The following LYST variants were observed in gnomAD, a reference collection of about 807,000 sequenced individuals.
LYST encodes the protein lysosomal trafficking regulator.
LYST carries 192 observed loss-of-function variants against 413.6 expected under a neutral mutation model. That is an observed-to-expected ratio of 0.46 (90% CI 0.41 to 0.52). The LOEUF (loss-of-function observed/expected upper bound fraction) is 0.52. LYST is among the 20% of genes least tolerant of loss of function. The pLI, the probability that LYST is intolerant of heterozygous loss-of-function variation, is 0.00. For missense variants in LYST, 3,815 were observed against 4,499.9 expected, an observed-to-expected ratio of 0.85 and a Z score of 4.35; for synonymous variants, 1,525 against 1,567.3, an observed-to-expected ratio of 0.97 and a Z score of 0.64.
exon 1 of LYST, chr1:235,883,288 T>C (rs915929347): frequency 6.6e-6 from 1 of 152,552 alleles, no homozygotes; most frequent in Non-Finnish European, 1.5e-5. Context: ...GTCTCTTCCA[T>C]GCTGTTAAGC....
intron 31 of LYST, 149 bp from the exon 32 acceptor site, chr1:235,734,808 C>T (rs776092642): frequency 1.5e-5 from 9 of 589,266 alleles, no homozygotes; most frequent in Admixed American, 3.0e-5. Context: ...AGGATAAGTA[C>T]AGAAATCTGA....
At chr1:235,789,597 A>G (rs1164622148) in intron 12 of LYST, among the ~76,000 whole-genome samples, 1 of 152,200 alleles carries the variant, frequency 6.6e-6, no homozygotes, top group Non-Finnish European at 1.5e-5. Flanking sequence ...ACTTTTAAAG[A>G]ACACTACTGC....
chr1:235,761,806 A>G (rs1667616533), intron 22 of LYST, among the ~76,000 whole-genome samples: 1 of 151,564 alleles, frequency 6.6e-6, no homozygotes, highest in South Asian at 2.1e-4. Context: ...GGAGGCTGTC[A>G]ATTAGAGAGG....
intron 19 of LYST, among the ~76,000 whole-genome samples, chr1:235,772,255 A>G (rs961794417): frequency 2.6e-5 from 4 of 152,120 alleles, no homozygotes; most frequent in African/African-American, 7.2e-5. Flanking sequence ...TTTCAACCTC[A>G]TAACTCATTA....
intron 48 of LYST, among the ~76,000 whole-genome samples, chr1:235,680,202 TTTTAAGAAACAGTAAATC>T (rs1382041003): frequency 6.6e-6 from 1 of 152,168 alleles, no homozygotes; most frequent in Non-Finnish European, 1.5e-5. Flanking sequence ...TGAACAACTT[TTTTAAGAAACAGTAAATC>T]TCTTGTTGGC....
chr1:235,680,234 C>A (rs1031578841), intron 48 of LYST, among the ~76,000 whole-genome samples: 3 of 152,024 alleles, frequency 2.0e-5, no homozygotes, highest in Admixed American at 2.0e-4. Context: ...TGTTGGCCAT[C>A]GGCCATGATC....
chr1:235,821,505 C>T (rs1264394661), intron 3 of LYST, among the ~76,000 whole-genome samples: 3 of 152,030 alleles, frequency 2.0e-5, no homozygotes, highest in Non-Finnish European at 1.5e-5. Flanking sequence ...ATCCTCTATT[C>T]GAAGCTTAAT....
intron 3 of LYST, chr1:235,829,089 G>C (rs920926873): frequency 6.6e-6 from 1 of 152,062 alleles, no homozygotes; most frequent in African/African-American, 2.4e-5. Flanking sequence ...TTGTAGTCCC[G>C]GCTACTTAGG....
chr1:235,695,979 G>A (rs1558125771), intron 46 of LYST, among the ~76,000 whole-genome samples: 1 of 152,024 alleles, frequency 6.6e-6, no homozygotes, highest in East Asian at 1.9e-4. Flanking sequence ...ACACATGTTG[G>A]TACTTTGGTA....
At chr1:235,860,190 T>C (rs1364507944) in intron 1 of LYST, among the ~76,000 whole-genome samples, 2 of 152,206 alleles carry the variant, frequency 1.3e-5, no homozygotes, top group Non-Finnish European at 2.9e-5. Context: ...AAAAAGACTT[T>C]ATTTTTTAGA....
intron 40 of LYST, among the ~76,000 whole-genome samples, chr1:235,719,128 C>T (rs1201940896): frequency 6.6e-6 from 1 of 152,170 alleles, no homozygotes; most frequent in Non-Finnish European, 1.5e-5. Context: ...AAGCAATTCT[C>T]CTGCCTCAGC....
intron 21 of LYST, among the ~76,000 whole-genome samples, chr1:235,764,495 C>CTTTTTTTTTTTTTTTTT (rs1020736833): frequency 1.1e-4 from 11 of 97,942 alleles, no homozygotes; most frequent in African/African-American, 3.1e-4. Flanking sequence ...TTTTTCTTTT[C>CTTTTTTTTTTTTTTTTT]TTTTTTTTTT....
At chr1:235,882,012 C>G (rs184637602) in intron 1 of LYST, among the ~76,000 whole-genome samples, 1 of 150,554 alleles carries the variant, frequency 6.6e-6, no homozygotes, top group African/African-American at 2.5e-5. Flanking sequence ...ATGGGTAAGA[C>G]GATAAATTTT....
Position 235,712,094 on chromosome 1 carries a change from C to T in LYST, c.9888G>A (p.Glu3296=), listed in dbSNP as rs1662445115. 6.4e-7 allele frequency: 1 copy of T among 1,553,390 alleles called. No homozygotes were observed. Among genetic ancestry groups the T allele is most frequent in the Admixed American group, 1.9e-5 (1 of 52,784 alleles). ...CTAGGAACTCTGGAAGATAGAAAAA[C>T]TCTGGGATAAGTTCTTTCACATCAG... The part of the protein sequence containing the change: ...SMTDVKELIP[E]FFYLPEFLVN... The change falls in exon 43 of 53, where the codon GAG becomes GAA. Residue 3296 remains glutamate, a synonymous_variant. Transcript: ENST00000389793.
chr1:235,818,094 A>G (rs1674371734), intron 3 of LYST, among the ~76,000 whole-genome samples: 2 of 152,152 alleles, frequency 1.3e-5, no homozygotes, highest in African/African-American at 4.8e-5. Flanking sequence ...CATGATTATA[A>G]TTAACTTTAA....
chr1:235,828,446 G>A (rs1675578828), intron 3 of LYST, among the ~76,000 whole-genome samples: 1 of 152,144 alleles, frequency 6.6e-6, no homozygotes, highest in African/African-American at 2.4e-5. Flanking sequence ...TCTCAATAAT[G>A]TTATTTTTAA....
Position 235,738,406 on chromosome 1 carries a change from T to C in LYST, c.8358+3016A>G, listed in dbSNP as rs568236743. On this transcript the variant is annotated intron_variant, in intron 31 of 52. Coordinates refer to ENST00000389793, the MANE Select transcript of LYST (RefSeq NM_000081.4). Reference sequence around the variant, plus strand: ...GCCCGAACTGCAAGTTGCTTATTGTTTCAAATCCAGTGGATATCTTTGACC... The same window carrying C: ...GCCCGAACTGCAAGTTGCTTATTGTCTCAAATCCAGTGGATATCTTTGACC... 73 of 1,613,602 alleles carry C rather than the reference T, an allele frequency of 4.5e-5. No individual in the cohort carries two copies. In the African/African-American group the frequency reaches 8.4e-4, roughly 19 times the overall value.
intron 50 of LYST, among the ~76,000 whole-genome samples, chr1:235,665,612 CA>C (rs1285165106): frequency 0.056 from 4,531 of 81,120 alleles, 128 homozygotes; most frequent in African/African-American, 0.17. Context: ...GACTCTATCT[CA>C]AAAAAAAAAA....
chr1:235,682,921 A>G (rs909027224), intron 48 of LYST, among the ~76,000 whole-genome samples: 1 of 152,118 alleles, frequency 6.6e-6, no homozygotes, highest in East Asian at 1.9e-4. Flanking sequence ...TTAGCGTTCT[A>G]CTTGATAAGT....
Sources: allele counts gnomAD v4.1 joint callset (sites outside exome capture counted in the v4.1 genomes callset), GRCh38; gene constraint gnomAD v4.1.1; transcripts MANE v1.5; gene names NCBI Gene and HGNC (gene_info 2026-07-23, HGNC 2026-07-21).